Variants in XPO4 observed in about 807,000 individuals in gnomAD.
XPO4 encodes exportin-4.
In XPO4, 39 loss-of-function variants were observed where a neutral mutation model predicts 143.0. The ratio of observed to expected loss-of-function variants is 0.27; its 90% CI spans 0.21 to 0.36. XPO4 has a LOEUF of 0.36. Ranked by LOEUF, XPO4 falls within the 10% of genes least tolerant of loss-of-function variation. The pLI is 1.00. For synonymous variants in XPO4, 439 were observed against 474.0 expected, an observed-to-expected ratio of 0.93 and a Z score of 0.96; for missense variants, 907 against 1,348.0, an observed-to-expected ratio of 0.67 and a Z score of 5.12.
intron 18 of XPO4, 46 bp downstream of exon 18, chr13:20,796,030 A>AAGGAGGAT: frequency 6.6e-7 from 1 of 1,525,446 alleles, no homozygotes; most frequent in Middle Eastern, 2.0e-4. Flanking sequence ...ATTTAATAAA[A>AAGGAGGAT]AGGAGGATAA....
intron 18 of XPO4, among the ~76,000 whole-genome samples, chr13:20,791,781 T>G (rs2059282525): frequency 1.3e-5 from 2 of 152,240 alleles, no homozygotes; most frequent in South Asian, 2.1e-4. Flanking sequence ...ATTTACAATT[T>G]TTTTCTATTA....
intron 18 of XPO4, among the ~76,000 whole-genome samples, chr13:20,793,710 CCAT>C (rs1332532627): frequency 6.6e-6 from 1 of 152,118 alleles, no homozygotes; most frequent in Non-Finnish European, 1.5e-5. Context: ...CCCACCACCA[CCAT>C]GCCTGGCTAA....
At chr13:20,842,789 C>A in intron 6 of XPO4, 106 bp downstream of exon 6, 2 of 1,037,840 alleles carry the variant, frequency 1.9e-6, no homozygotes, top group Non-Finnish European at 2.6e-6. Context: ...ATCTTATTTT[C>A]TTTCAATATG....
chr13:20,817,012 C>T (rs1299829757), intron 9 of XPO4, among the ~76,000 whole-genome samples: 1 of 152,178 alleles, frequency 6.6e-6, no homozygotes, highest in Non-Finnish European at 1.5e-5. Context: ...GGACAGCCAG[C>T]TTGCTCTCTC....
intron 6 of XPO4, 50 bp from the exon 7 acceptor site, chr13:20,827,229 GTA>G: frequency 5.3e-6 from 7 of 1,319,112 alleles, no homozygotes; most frequent in Non-Finnish European, 7.7e-6. Context: ...TTTGTCTAAA[GTA>G]TAAGTATATC....
chr13:20,814,031 T>C (rs1441820128), intron 9 of XPO4, among the ~76,000 whole-genome samples: 2 of 152,104 alleles, frequency 1.3e-5, no homozygotes, highest in African/African-American at 4.8e-5. Flanking sequence ...AGATACTTTC[T>C]TTCCATAGAA....
chr13:20,832,372 T>C (rs1424835491), intron 6 of XPO4, among the ~76,000 whole-genome samples: 1 of 152,244 alleles, frequency 6.6e-6, no homozygotes, highest in Non-Finnish European at 1.5e-5. Context: ...AGTAAGGGTA[T>C]CGTTTTGTGA....
At chr13:20,810,660 C>G (rs934360903) in intron 9 of XPO4, among the ~76,000 whole-genome samples, 1 of 152,100 alleles carries the variant, frequency 6.6e-6, no homozygotes, top group Non-Finnish European at 1.5e-5. Flanking sequence ...GAAAAAGAGA[C>G]AAGTAGATAA....
At position 20,786,210 on chromosome 13, in the gene XPO4, T is replaced by A. The variant is rs182563436; in HGVS notation, c.3258+755A>T. Among the ~76,000 whole-genome samples the A allele has an allele frequency of 2.2e-4, 34 of 151,834 alleles. No homozygotes were observed. In the East Asian group the frequency reaches 5.7e-3, roughly 25 times the overall value. On this transcript the variant is annotated intron_variant, in intron 22 of 22. Coordinates refer to ENST00000255305, the MANE Select transcript of XPO4 (RefSeq NM_022459.5). Reference sequence around the variant, plus strand: ...CTAGAGAAAGGAGGTCTTTAAATAGTATGGAAGACCTCCTCTAAACCCTTT... The same window carrying A: ...CTAGAGAAAGGAGGTCTTTAAATAGAATGGAAGACCTCCTCTAAACCCTTT...
At chr13:20,819,520 C>T (rs535885675) in intron 9 of XPO4, among the ~76,000 whole-genome samples, 1 of 152,120 alleles carries the variant, frequency 6.6e-6, no homozygotes, top group African/African-American at 2.4e-5. Context: ...ATTAGCCGGG[C>T]GTGATGGCGC....
At chr13:20,883,501 A>G (rs1469224670) in intron 1 of XPO4, among the ~76,000 whole-genome samples, 1 of 152,218 alleles carries the variant, frequency 6.6e-6, no homozygotes, top group African/African-American at 2.4e-5. Context: ...TCTTAGAGCA[A>G]TAAGTTAAGT....
chr13:20,846,825 T>G (rs2818995), intron 4 of XPO4, among the ~76,000 whole-genome samples: 35,270 of 151,960 alleles, frequency 0.23, 5,746 homozygotes, highest in East Asian at 0.8. Context: ...TACATTCTAC[T>G]TTTCCACTTT....
At chr13:20,844,562 C>G (rs1466780827) in intron 4 of XPO4, among the ~76,000 whole-genome samples, 1 of 152,102 alleles carries the variant, frequency 6.6e-6, no homozygotes, top group Non-Finnish European at 1.5e-5. Flanking sequence ...AGGAGTTAAA[C>G]AGAAATATGC....
chr13:20,796,956 T>C lies in XPO4; in HGVS notation c.2424A>G (p.Thr808=), dbSNP rs778707421. The change falls in exon 17 of 23, where the codon ACA becomes ACG. Residue 808 remains threonine (T), a synonymous_variant. Transcript: ENST00000255305. ...QEEVKQEITA[T]LEALCGIAEA... ...CAGCAATGCCACACAGGGCCTCTAGTGTGGCAGTGATTTCCTGCTTGACTT... is the reference window on the plus strand; with the variant it reads ...CAGCAATGCCACACAGGGCCTCTAGCGTGGCAGTGATTTCCTGCTTGACTT... 1 of 1,614,084 alleles carries C rather than the reference T, an allele frequency of 6.2e-7. No individual in the cohort carries two copies. The highest frequency in any genetic ancestry group is 8.5e-7 in the Non-Finnish European group (1 of 1,179,984).
chr13:20,813,191 C>A lies in XPO4; in HGVS notation c.1174-3224G>T, dbSNP rs182507821. 3.7e-3 allele frequency among the ~76,000 whole-genome samples: 556 copies of A among 152,264 alleles called. 4 individuals carry two copies. The highest frequency in any genetic ancestry group is 6.5e-3 in the Non-Finnish European group (445 of 68,020). On this transcript the variant is annotated intron_variant, in intron 9 of 22. Transcript: ENST00000255305. ...ACCACCCCCATAATCCAATCACCCC[C>A]CACCAGGTCCCCGCCCCTGGCACGT...
chr13:20,835,337 AT>A (rs1478948387), intron 6 of XPO4, among the ~76,000 whole-genome samples: 2 of 152,242 alleles, frequency 1.3e-5, no homozygotes, highest in African/African-American at 4.8e-5. Context: ...GTTTAAAAAA[AT>A]AATGATAAAA....
intron 18 of XPO4, among the ~76,000 whole-genome samples, chr13:20,792,204 G>A (rs2059291010): frequency 1.3e-5 from 2 of 152,290 alleles, no homozygotes; most frequent in South Asian, 2.1e-4. Flanking sequence ...CCAGCACTTC[G>A]GGAGGCTGAG....
chr13:20,833,332 A>G (rs907611221), intron 6 of XPO4, among the ~76,000 whole-genome samples: 6 of 152,156 alleles, frequency 3.9e-5, no homozygotes, highest in Non-Finnish European at 5.9e-5. Flanking sequence ...TTGTCCCTCA[A>G]TATCCGGAGG....
chr13:20,784,518 A>C (rs895771384), intron 22 of XPO4, among the ~76,000 whole-genome samples: 1 of 152,208 alleles, frequency 6.6e-6, no homozygotes, highest in African/African-American at 2.4e-5. Flanking sequence ...GGGCAGGAAG[A>C]GGACTTTAGT....
Sources: allele counts gnomAD v4.1 joint callset (sites outside exome capture counted in the v4.1 genomes callset), GRCh38; gene constraint gnomAD v4.1.1; transcripts MANE v1.5; gene names NCBI Gene and HGNC (gene_info 2026-07-23, HGNC 2026-07-21).